The following C10orf67 variants were observed in gnomAD, a reference collection of about 807,000 sequenced individuals.
C10orf67 encodes uncharacterized protein C10orf67, mitochondrial.
Under a neutral mutation model 35.6 loss-of-function variants are expected in C10orf67, and 60 were observed. The observed-to-expected ratio is 1.68, with a 90% CI of 1.37 to 2.09. The LOEUF (loss-of-function observed/expected upper bound fraction) is 2.09. Among genes scored for constraint, C10orf67 ranks in the 30% most tolerant of loss-of-function variants. C10orf67 has a pLI of 0.00. For missense variants in C10orf67, 474 were observed against 330.2 expected (o/e 1.44, Z -3.38); for synonymous variants, 167 against 115.8 (o/e 1.44, Z -2.84).
chr10:23,270,929 C>T (rs1005498697), intron 8 of C10orf67, among the ~76,000 whole-genome samples: 3 of 152,212 alleles, frequency 2.0e-5, no homozygotes, highest in Non-Finnish European at 2.9e-5. Flanking sequence ...ATGTACAGAA[C>T]TCTGATCTCT....
At chr10:23,251,695 T>A (rs1352556770) in intron 10 of C10orf67, among the ~76,000 whole-genome samples, 1 of 152,200 alleles carries the variant, frequency 6.6e-6, no homozygotes, top group Non-Finnish European at 1.5e-5. Context: ...ATATAAACAA[T>A]AACTAGGTTC....
intron 15 of C10orf67, among the ~76,000 whole-genome samples, chr10:23,221,071 A>G (rs1038624371): frequency 6.6e-6 from 1 of 152,204 alleles, no homozygotes; most frequent in African/African-American, 2.4e-5. Flanking sequence ...TCATGCTGCT[A>G]TAAAGAACTA....
intron 2 of C10orf67, among the ~76,000 whole-genome samples, chr10:23,326,437 T>C (rs1318853193): frequency 6.6e-6 from 1 of 152,188 alleles, no homozygotes; most frequent in Admixed American, 6.5e-5. Flanking sequence ...ATATTCAATG[T>C]AAAAACATTT....
chr10:23,255,784 G>A lies in C10orf67; in HGVS notation c.1201-5093C>T, dbSNP rs376237768. Among the ~76,000 whole-genome samples, 36 of 152,192 alleles carry A rather than the reference G, an allele frequency of 2.4e-4. No individual in the cohort carries two copies. In the South Asian group the frequency reaches 4.8e-3, roughly 20 times the overall value. ...GTAAATTGTGCTACTTCTGTGGGGC[G>A]AAATACATACAGCACATATAATGGA... On this transcript the variant is annotated intron_variant, in intron 10 of 15. Transcript: ENST00000636213.
intron 7 of C10orf67, among the ~76,000 whole-genome samples, chr10:23,283,861 A>T (rs1712400065): frequency 6.6e-6 from 1 of 151,352 alleles, no homozygotes; most frequent in Non-Finnish European, 1.5e-5. Context: ...CTGCATCCTG[A>T]CGCTATCACA....
chr10:23,344,528 T>C, intron 1 of C10orf67, 41 bp downstream of exon 1: 1 of 1,541,236 alleles, frequency 6.5e-7, no homozygotes, highest in South Asian at 1.2e-5. Flanking sequence ...CCCTGGACCC[T>C]GCTCGCTTCC....
chr10:23,252,775 C>CA (rs776594640), intron 10 of C10orf67, among the ~76,000 whole-genome samples: 7 of 151,946 alleles, frequency 4.6e-5, no homozygotes, highest in Non-Finnish European at 1.0e-4. Context: ...TCAGATTTAC[C>CA]AAAACACTTT....
intron 10 of C10orf67, among the ~76,000 whole-genome samples, chr10:23,252,177 G>A (rs1842472390): frequency 3.3e-5 from 5 of 152,010 alleles, no homozygotes; most frequent in Admixed American, 3.3e-4. Context: ...TTTGCACTAT[G>A]TTCTAGGAAA....
At chr10:23,292,078 G>A (rs935616061) in intron 5 of C10orf67, among the ~76,000 whole-genome samples, 13 of 149,302 alleles carry the variant, frequency 8.7e-5, no homozygotes, top group Non-Finnish European at 1.5e-4. Flanking sequence ...TATTATGTGC[G>A]TCTTTTGTTT....
chr10:23,255,936 T>C (rs924915330), intron 10 of C10orf67, among the ~76,000 whole-genome samples: 2 of 152,224 alleles, frequency 1.3e-5, no homozygotes, highest in Non-Finnish European at 2.9e-5. Context: ...GGCAGGATTT[T>C]CTTAAAAATT....
At chr10:23,249,169 A>T in intron 12 of C10orf67, among the ~76,000 whole-genome samples, 1 of 148,332 alleles carries the variant, frequency 6.7e-6, no homozygotes, top group Non-Finnish European at 1.5e-5. Flanking sequence ...AAGAAAACTG[A>T]TACGTTCTTG....
Position 23,234,578 on chromosome 10 carries a change from C to T in C10orf67, c.1434+5151G>A, listed in dbSNP as rs1034217984. Among the ~76,000 whole-genome samples the T allele has an allele frequency of 7.9e-5, 12 of 151,964 alleles. No individual in the cohort carries two copies. In the South Asian group the frequency reaches 1.2e-3, roughly 16 times the overall value. The stretch of plus-strand genomic sequence containing the variant: ...ATCAGGAAAAATAACTAATGGGTTC[C>T]GGACTTAACACCTGGCTGAAGAAAT... On this transcript the variant is annotated intron_variant, in intron 13 of 15. Coordinates refer to ENST00000636213, the MANE Select transcript of C10orf67 (RefSeq NM_001371909.1).
At chr10:23,315,917 C>A (rs1181585947) in intron 4 of C10orf67, among the ~76,000 whole-genome samples, 2 of 152,222 alleles carry the variant, frequency 1.3e-5, no homozygotes, top group East Asian at 3.9e-4. Context: ...CTCCTGGGTT[C>A]AAGCAGTCCT....
intron 4 of C10orf67, among the ~76,000 whole-genome samples, chr10:23,309,884 A>G (rs1844430435): frequency 6.6e-6 from 1 of 152,244 alleles, no homozygotes; most frequent in African/African-American, 2.4e-5. Context: ...TTCCTCTTTC[A>G]GTCGGTCCTC....
In C10orf67 at chr10:23,289,842, A is replaced by G. The variant is rs1297754824; in HGVS notation, c.909+58T>C. ...ACTCTGGACACAGTGTTATTTGGCCAATTGCGCCTATAGTTCCATTTAAAA... is the reference window on the plus strand; with the variant it reads ...ACTCTGGACACAGTGTTATTTGGCCGATTGCGCCTATAGTTCCATTTAAAA... On this transcript the variant is annotated intron_variant, in intron 7 of 15. Coordinates refer to ENST00000636213, the MANE Select transcript of C10orf67 (RefSeq NM_001371909.1). 4.2e-6 allele frequency: 3 copies of G among 707,340 alleles called. No individual in the cohort carries two copies. The African/African-American group carries it at 5.3e-5, about 12-fold the overall frequency. 43.8% of individuals were successfully genotyped at this position (707,340 alleles called of 1,614,324 possible).
At chr10:23,283,391 A>C (rs1201163701) in intron 7 of C10orf67, among the ~76,000 whole-genome samples, 1 of 152,194 alleles carries the variant, frequency 6.6e-6, no homozygotes. Context: ...TTTAATAAAC[A>C]TCCCCAGTGT....
intron 7 of C10orf67, among the ~76,000 whole-genome samples, chr10:23,286,652 G>C (rs1009433395): frequency 6.8e-6 from 1 of 147,564 alleles, no homozygotes; most frequent in East Asian, 2.0e-4. Context: ...AAAGGAGGGA[G>C]AAAGGAGGGA....
intron 15 of C10orf67, among the ~76,000 whole-genome samples, chr10:23,208,884 T>C (rs1564453776): frequency 6.6e-6 from 1 of 152,056 alleles, no homozygotes; most frequent in Non-Finnish European, 1.5e-5. Context: ...GAGAGTGCCA[T>C]GAAAGCAAGC....
chr10:23,237,976 C>T (rs1377240442), intron 13 of C10orf67, among the ~76,000 whole-genome samples: 1 of 152,184 alleles, frequency 6.6e-6, no homozygotes, highest in East Asian at 1.9e-4. Context: ...TAGCATTTAT[C>T]CAAATTTATA....
Sources: gnomAD v4.1 joint callset for allele counts (sites outside exome capture counted in the v4.1 genomes callset) on GRCh38, gnomAD v4.1.1 for gene constraint, MANE v1.5 for transcripts, NCBI Gene and HGNC (gene_info 2026-07-23, HGNC 2026-07-21) for gene names.